Variants in RBFOX1 observed in about 807,000 individuals in gnomAD.
RBFOX1 encodes RNA binding protein fox-1 homolog 1.
In RBFOX1, 8 loss-of-function variants were observed where a neutral mutation model predicts 57.7. The ratio of observed to expected loss-of-function variants is 0.14; its 90% confidence interval spans 0.08 to 0.25. The LOEUF (loss-of-function observed/expected upper bound fraction) is 0.25. Among genes scored for constraint, RBFOX1 ranks in the 10% least tolerant of loss-of-function variants. The pLI, the probability that RBFOX1 is intolerant of heterozygous loss-of-function variation, is 1.00. For synonymous variants in RBFOX1, 326 were observed against 222.4 expected (o/e 1.47, Z -4.15); for missense variants, 611 against 548.5 (o/e 1.11, Z -1.14).
At chr16:7,082,850 T>C (rs902725279) in intron 4 of RBFOX1, among the ~76,000 whole-genome samples, 10 of 152,192 alleles carry the variant, frequency 6.6e-5, no homozygotes, top group African/African-American at 2.4e-4. Flanking sequence ...GATTAATTAT[T>C]GTGTTGAGTT....
In RBFOX1 at chr16:7,147,181, T is replaced by C. The variant is rs117861957; in HGVS notation, c.27+95083T>C. ...TTATTTATTTTTTATTTTTTTGTAG[T>C]TTTAGCAGAGACAGGGTTTCACCAT... On this transcript the variant is annotated intron_variant, in intron 4 of 15. Coordinates refer to ENST00000550418, the MANE Select transcript of RBFOX1 (RefSeq NM_018723.4). Among the ~76,000 whole-genome samples, 1,347 of 149,002 alleles carry C rather than the reference T, an allele frequency of 9.0e-3. 14 individuals are homozygous for C. Among genetic ancestry groups the C allele is most frequent in the Non-Finnish European group, 0.014 (916 of 67,452 alleles).
chr16:7,081,548 G>A (rs76894236), intron 4 of RBFOX1, among the ~76,000 whole-genome samples: 4,404 of 152,196 alleles, frequency 0.029, 213 homozygotes, highest in African/African-American at 0.099. Context: ...TGAGAGTAGT[G>A]GGAGTTTTTA....
At chr16:7,075,574 T>A (rs1425231706) in intron 4 of RBFOX1, among the ~76,000 whole-genome samples, 1 of 152,026 alleles carries the variant, frequency 6.6e-6, no homozygotes, top group Non-Finnish European at 1.5e-5. Context: ...TTTTTTCTTT[T>A]TTTTATTTAT....
chr16:5,368,392 C>T (rs549713070), intron 1 of RBFOX1, among the ~76,000 whole-genome samples: 15 of 152,154 alleles, frequency 9.9e-5, no homozygotes, highest in Admixed American at 9.8e-4. Flanking sequence ...GGCACCTAAC[C>T]AATGTGGGTT....
In RBFOX1 at chr16:5,350,813, C is replaced by T. The variant is rs895083296; in HGVS notation, c.219+110708C>T. Among the ~76,000 whole-genome samples, 6 of 152,186 alleles carry T rather than the reference C, an allele frequency of 3.9e-5. No homozygotes were observed. In the South Asian group the frequency reaches 8.3e-4, roughly 21 times the overall value. On this transcript the variant is annotated intron_variant, in intron 1 of 2. Coordinates refer to the RBFOX1 transcript ENST00000585867. Reference sequence around the variant, plus strand: ...CCCGGAGGCGGAGGTTGCAGTGAGCCGATATTGCACCACTGCGCTCCAGCC... The same window carrying T: ...CCCGGAGGCGGAGGTTGCAGTGAGCTGATATTGCACCACTGCGCTCCAGCC...
chr16:7,232,332 A>G (rs556979906), intron 4 of RBFOX1, among the ~76,000 whole-genome samples: 2 of 152,324 alleles, frequency 1.3e-5, no homozygotes, highest in African/African-American at 4.8e-5. Context: ...AGTGAGATAT[A>G]TAACTTGCTT....
At chr16:6,745,523 C>T (rs1368905146) in intron 3 of RBFOX1, among the ~76,000 whole-genome samples, 1 of 152,024 alleles carries the variant, frequency 6.6e-6, no homozygotes, top group African/African-American at 2.4e-5. Context: ...TGAAATACAC[C>T]ATATTAACAA....
intron 3 of RBFOX1, among the ~76,000 whole-genome samples, chr16:6,682,863 A>T: frequency 7.3e-6 from 1 of 136,418 alleles, no homozygotes; most frequent in African/African-American, 3.0e-5. Flanking sequence ...TGAAAAAAGA[A>T]AAGAATTAAA....
intron 5 of RBFOX1, among the ~76,000 whole-genome samples, chr16:7,575,509 C>G (rs7190440): frequency 0.44 from 66,598 of 151,932 alleles, 14,925 homozygotes; most frequent in East Asian, 0.53. Flanking sequence ...GGACTGTGGA[C>G]ATTGAAGCAG....
intron 3 of RBFOX1, among the ~76,000 whole-genome samples, chr16:5,809,703 A>G (rs1383001866): frequency 6.6e-6 from 1 of 152,216 alleles, no homozygotes; most frequent in African/African-American, 2.4e-5. Context: ...GTGGAGAAAT[A>G]GGAACACTTT....
At position 6,372,874 on chromosome 16, in the gene RBFOX1, G is replaced by C. The variant is rs571878166; in HGVS notation, c.-64+55817G>C. ...GGTAGGAGTACGGTCGGGTGGAATG[G>C]AGATTTGATGGAAGAGTATAGTTGG... On this transcript the variant is annotated intron_variant, in intron 2 of 15. Coordinates refer to ENST00000550418, the MANE Select transcript of RBFOX1 (RefSeq NM_018723.4). Among the ~76,000 whole-genome samples, 42 of 151,408 alleles carry C rather than the reference G, an allele frequency of 2.8e-4. No homozygotes were observed. In the East Asian group the frequency reaches 7.3e-3, roughly 26 times the overall value.
chr16:6,161,853 A>G (rs2038050154), intron 1 of RBFOX1, among the ~76,000 whole-genome samples: 2 of 152,164 alleles, frequency 1.3e-5, no homozygotes, highest in South Asian at 4.1e-4. Flanking sequence ...CTCCCTAATC[A>G]CTGGGAACAA....
chr16:5,517,533 A>C (rs1463308590), intron 2 of RBFOX1, among the ~76,000 whole-genome samples: 1 of 152,192 alleles, frequency 6.6e-6, no homozygotes, highest in Non-Finnish European at 1.5e-5. Flanking sequence ...CCAGATTTGC[A>C]CAATTGTCCA....
chr16:6,685,444 T>TG (rs1469946843), intron 3 of RBFOX1, among the ~76,000 whole-genome samples: 1 of 127,324 alleles, frequency 7.9e-6, no homozygotes, highest in Admixed American at 7.3e-5. Context: ...CCCAGCTAAT[T>TG]TTTTTTTTTT....
chr16:5,372,225 C>T (rs987555782), intron 1 of RBFOX1, among the ~76,000 whole-genome samples: 1 of 152,146 alleles, frequency 6.6e-6, no homozygotes, highest in Non-Finnish European at 1.5e-5. Flanking sequence ...TGTTCTGTCT[C>T]GGAAGGGTTT....
At chr16:5,812,461 T>C (rs1438552015) in intron 3 of RBFOX1, among the ~76,000 whole-genome samples, 14 of 149,360 alleles carry the variant, frequency 9.4e-5, no homozygotes, top group Admixed American at 5.3e-4. Flanking sequence ...TTTTTCTCTT[T>C]TTTTTTTTTT....
At chr16:5,313,247 A>C (rs74003867) in intron 1 of RBFOX1, among the ~76,000 whole-genome samples, 6,301 of 152,134 alleles carry the variant, frequency 0.041, 435 homozygotes, top group African/African-American at 0.14. Context: ...TAGGACCTCT[A>C]ATTCCCCCTC....
chr16:5,620,826 G>A (rs745885677), intron 3 of RBFOX1, among the ~76,000 whole-genome samples: 1 of 151,988 alleles, frequency 6.6e-6, no homozygotes, highest in Non-Finnish European at 1.5e-5. Flanking sequence ...CCACAGGCAT[G>A]TGCCACTACA....
chr16:6,904,107 C>T (rs114860050), intron 3 of RBFOX1, among the ~76,000 whole-genome samples: 4,864 of 152,242 alleles, frequency 0.032, 154 homozygotes, highest in South Asian at 0.12. Flanking sequence ...ATTCACCACC[C>T]CTATACCTAA....
Sources: gnomAD v4.1 joint callset for allele counts (sites outside exome capture counted in the v4.1 genomes callset) on GRCh38, gnomAD v4.1.1 for gene constraint, MANE v1.5 for transcripts, NCBI Gene and HGNC (gene_info 2026-07-23, HGNC 2026-07-21) for gene names.